The following SMC1B variants were observed in gnomAD, a reference collection of about 807,000 sequenced individuals.
SMC1B encodes structural maintenance of chromosomes protein 1B.
SMC1B carries 60 observed loss-of-function variants against 157.9 expected under a neutral mutation model. The observed-to-expected ratio is 0.38, with a 90% confidence interval of 0.31 to 0.47. The LOEUF is 0.47. SMC1B is among the 20% of genes least tolerant of loss of function. SMC1B has a pLI of 0.99. For synonymous variants in SMC1B, 445 were observed against 483.0 expected (o/e 0.92, Z 1.03); for missense variants, 1,165 against 1,426.2 (o/e 0.82, Z 2.95).
At chr22:45,350,801 C>T (rs113440985) in intron 22 of SMC1B, among the ~76,000 whole-genome samples, 49 of 152,254 alleles carry the variant, frequency 3.2e-4, no homozygotes, top group Non-Finnish European at 1.8e-4. Flanking sequence ...CCTTCACACC[C>T]GTACCTGTCA....
At chr22:45,393,944 G>A in intron 8 of SMC1B, 103 bp from the exon 9 acceptor site, 2 of 731,388 alleles carry the variant, frequency 2.7e-6, no homozygotes, top group Non-Finnish European at 4.4e-6. Flanking sequence ...ATAGAGCAGT[G>A]CTCTATCAAT....
chr22:45,406,388 C>T, intron 4 of SMC1B, 72 bp downstream of exon 4: 1 of 1,239,934 alleles, frequency 8.1e-7, no homozygotes, highest in Non-Finnish European at 1.1e-6. Flanking sequence ...AAGCCCAAGC[C>T]CATACCTAGT....
At chr22:45,388,747 C>T (rs11703309) in intron 10 of SMC1B, among the ~76,000 whole-genome samples, 20,433 of 151,766 alleles carry the variant, frequency 0.13, 1,573 homozygotes, top group Non-Finnish European at 0.17. Flanking sequence ...GAGACCGAGG[C>T]AGGCGGATCA....
At chr22:45,363,739 C>A (rs1244376984) in intron 15 of SMC1B, among the ~76,000 whole-genome samples, 1 of 152,072 alleles carries the variant, frequency 6.6e-6, no homozygotes, top group Non-Finnish European at 1.5e-5. Context: ...TTGTTTGAAT[C>A]AGTATCCACA....
At chr22:45,372,326 G>A (rs368607845) in intron 12 of SMC1B, 34 bp from the exon 13 acceptor site, 15 of 1,545,600 alleles carry the variant, frequency 9.7e-6, no homozygotes, top group Non-Finnish European at 1.3e-5. Context: ...AATATTTTAT[G>A]ATAGAAAAGC....
At chr22:45,362,098 A>C in intron 16 of SMC1B, 114 bp from the exon 17 acceptor site, 1 of 1,090,944 alleles carries the variant, frequency 9.2e-7, no homozygotes, top group Non-Finnish European at 1.3e-6. Context: ...TTCTCACCCT[A>C]TGTGCTACCT....
intron 12 of SMC1B, among the ~76,000 whole-genome samples, chr22:45,379,676 C>CTATTCTAAT (rs1161466960): frequency 6.9e-6 from 1 of 144,854 alleles, no homozygotes; most frequent in Non-Finnish European, 1.5e-5. Flanking sequence ...ATAATTAGGT[C>CTATTCTAAT]TATTCTAATT....
chr22:45,379,327 A>G (rs1185758560), intron 12 of SMC1B, among the ~76,000 whole-genome samples: 1 of 152,174 alleles, frequency 6.6e-6, no homozygotes, highest in Non-Finnish European at 1.5e-5. Flanking sequence ...TGTAAATAAC[A>G]CTCACTTTTT....
intron 15 of SMC1B, among the ~76,000 whole-genome samples, chr22:45,367,565 T>C (rs1298568984): frequency 6.6e-6 from 1 of 152,204 alleles, no homozygotes; most frequent in Non-Finnish European, 1.5e-5. Flanking sequence ...CAGAGTTTCC[T>C]GGACTGGGGA....
At chr22:45,353,379 A>G (rs1037743303) in intron 21 of SMC1B, among the ~76,000 whole-genome samples, 1 of 152,152 alleles carries the variant, frequency 6.6e-6, no homozygotes, top group African/African-American at 2.4e-5. Flanking sequence ...ATCCAGGATC[A>G]CCTTTTAGTC....
Position 45,361,825 on chromosome 22 carries a change from G to C in SMC1B, c.2708+14C>G, listed in dbSNP as rs1275240119. On this transcript the variant is annotated intron_variant, in intron 17 of 24. Coordinates refer to ENST00000357450, the MANE Select transcript of SMC1B (RefSeq NM_148674.5). ...CTCTGACTAGGTCTTTCAAACTGAT[G>C]AAGTCTTAATTACCTATCAACAGCC... The C allele has an allele frequency of 3.1e-6, 5 of 1,610,714 alleles. No individual in the cohort carries two copies. The South Asian group carries it at 5.5e-5, about 18-fold the overall frequency.
rs1271930309 is a variant in SMC1B at position 45,361,912 on chromosome 22, T to C, written c.2635A>G (p.Thr879Ala). 1.2e-6 allele frequency: 2 copies of C among 1,614,192 alleles called. No homozygotes were observed. Among genetic ancestry groups the C allele is most frequent in the Non-Finnish European group, 1.7e-6 (2 of 1,180,012 alleles). The change falls in exon 17 of 25, where the codon ACT becomes GCT. Residue 879 changes from threonine (T) to alanine (A), a missense_variant. Transcript: ENST00000357450. ...KQQQLKDIRV[T>A]QNSSAEKVQT... ...ACTTTCTCGGCACTGGAGTTCTGAG[T>C]GACACGTATGTCCTTAAGTTGCTGC... is the stretch of plus-strand genomic sequence containing the variant.
chr22:45,349,601 TG>T (rs1288994977), intron 23 of SMC1B, 126 bp downstream of exon 23: 32 of 663,692 alleles, frequency 4.8e-5, no homozygotes, highest in Non-Finnish European at 7.2e-5. Context: ...CCCATAGTGC[TG>T]GGATTACAGG....
intron 23 of SMC1B, 25 bp downstream of exon 23, chr22:45,349,703 T>C (rs1297540740): frequency 1.3e-6 from 2 of 1,585,336 alleles, no homozygotes; most frequent in Middle Eastern, 1.7e-4. Flanking sequence ...AGACAGTCTA[T>C]TGAAAATGAA....
Position 45,399,263 on chromosome 22 carries a change from A to C in SMC1B, c.945T>G (p.Ala315=). 6.2e-7 allele frequency: 1 copy of C among 1,614,008 alleles called. No homozygotes were observed. The highest frequency in any genetic ancestry group is 1.7e-4 in the Middle Eastern group (1 of 6,060). ...TTTCGCTGTCCTTTATTGATTTCTT[A>C]GCCACATCTAATTTCTTAAGGTGGT... ...TSHHLKKLDV[A]KKSIKDSEKQ... Residue 315 remains alanine, a synonymous_variant, in exon 6 of 25, where the codon GCT becomes GCG. Transcript: ENST00000357450.
chr22:45,364,872 C>G (rs1399096747), intron 15 of SMC1B, among the ~76,000 whole-genome samples: 2 of 128,946 alleles, frequency 1.6e-5, no homozygotes, highest in Non-Finnish European at 3.1e-5. Context: ...GAGTCTCGCT[C>G]TGTTGCCCAG....
chr22:45,394,037 T>A (rs1403418084), intron 8 of SMC1B, among the ~76,000 whole-genome samples, 196 bp from the exon 9 acceptor site: 1 of 151,970 alleles, frequency 6.6e-6, no homozygotes, highest in Non-Finnish European at 1.5e-5. Context: ...ATTTGAAAAA[T>A]GTGGCTGGGC....
intron 19 of SMC1B, 42 bp downstream of exon 19, chr22:45,358,655 C>A: frequency 1.8e-6 from 2 of 1,137,316 alleles, no homozygotes; most frequent in Non-Finnish European, 2.5e-6. Context: ...TTAAATATTC[C>A]GTATTACTGT....
Position 45,345,503 on chromosome 22 carries a change from CTTCTT to C in SMC1B, c.3557_3561del (p.Lys1186ArgfsTer15). ...AGCGCGTCGGCTCTGGAATAGAACT[CTTCTT>C]TTAGGGAGATGACTATCATCTGAAA... On this transcript the variant is annotated frameshift_variant, in exon 24 of 25. Coordinates refer to ENST00000357450, the MANE Select transcript of SMC1B (RefSeq NM_148674.5). LOFTEE classifies it low-confidence loss of function (END_TRUNC). 5 of 1,613,960 alleles carry C rather than the reference CTTCTT, an allele frequency of 3.1e-6. No homozygotes were observed. Among genetic ancestry groups the C allele is most frequent in the Non-Finnish European group, 4.2e-6 (5 of 1,179,896 alleles).
Sources: gnomAD v4.1 joint callset for allele counts (sites outside exome capture counted in the v4.1 genomes callset) on GRCh38, gnomAD v4.1.1 for gene constraint, MANE v1.5 for transcripts, NCBI Gene and HGNC (gene_info 2026-07-23, HGNC 2026-07-21) for gene names.